The following CDH13 variants were observed in gnomAD, a reference collection of about 807,000 sequenced individuals.
CDH13 encodes the protein cadherin 13, also known as cadherin-13.
In CDH13, 24 loss-of-function variants were observed where a neutral mutation model predicts 63.8. The ratio of observed to expected loss-of-function variants is 0.38; its 90% CI spans 0.27 to 0.53. The LOEUF (loss-of-function observed/expected upper bound fraction) is 0.53, where lower values mean the gene tolerates loss of function less well. CDH13 is among the 20% of genes least tolerant of loss of function. The pLI is 0.85. For synonymous variants in CDH13, 503 were observed against 355.3 expected (o/e 1.42, Z -4.67); for missense variants, 1,049 against 903.1 (o/e 1.16, Z -2.07).
intron 3 of CDH13, chr16:83,032,423 G>C (rs1319483132): frequency 3.5e-6 from 2 of 564,290 alleles, no homozygotes; most frequent in Non-Finnish European, 6.3e-6. Flanking sequence ...GGCATAGTTC[G>C]TGGATTAATT....
chr16:83,738,187 C>G (rs1165326747), intron 10 of CDH13, among the ~76,000 whole-genome samples: 3 of 152,194 alleles, frequency 2.0e-5, no homozygotes, highest in Non-Finnish European at 4.4e-5. Context: ...TAATTTATAT[C>G]CTGTCTCCCT....
intron 1 of CDH13, among the ~76,000 whole-genome samples, chr16:82,635,428 C>T (rs551143548): frequency 3.9e-5 from 6 of 152,288 alleles, no homozygotes; most frequent in African/African-American, 1.4e-4. Flanking sequence ...AGGGGAAACA[C>T]CACACAGCCA....
chr16:82,974,763 A>G (rs932747941), intron 2 of CDH13, among the ~76,000 whole-genome samples: 34 of 152,226 alleles, frequency 2.2e-4, no homozygotes, highest in Admixed American at 1.1e-3. Flanking sequence ...AGTCAAGGAA[A>G]GTGGGCAGCA....
intron 7 of CDH13, among the ~76,000 whole-genome samples, chr16:83,497,621 C>T (rs2074176819): frequency 6.6e-6 from 1 of 152,022 alleles, no homozygotes; most frequent in South Asian, 2.1e-4. Flanking sequence ...TGTAACTAAC[C>T]TGCACAATGT....
At chr16:83,763,457 C>T (rs750114863) in intron 11 of CDH13, among the ~76,000 whole-genome samples, 5 of 152,036 alleles carry the variant, frequency 3.3e-5, no homozygotes, top group Non-Finnish European at 2.9e-5. Flanking sequence ...GACTACTGAA[C>T]TACTGAATTT....
chr16:83,356,383 A>T (rs1449816593), intron 6 of CDH13, among the ~76,000 whole-genome samples: 3 of 152,052 alleles, frequency 2.0e-5, no homozygotes, highest in South Asian at 2.1e-4. Context: ...ATAAAGCCAG[A>T]TTCTCCCCCT....
chr16:83,738,526 G>C (rs1160162376), intron 10 of CDH13, among the ~76,000 whole-genome samples: 1 of 152,198 alleles, frequency 6.6e-6, no homozygotes, highest in African/African-American at 2.4e-5. Context: ...AGTGGAGTTG[G>C]AGCCACCCCC....
At chr16:83,763,388 T>C (rs547992978) in intron 11 of CDH13, among the ~76,000 whole-genome samples, 3 of 151,928 alleles carry the variant, frequency 2.0e-5, no homozygotes, top group South Asian at 2.1e-4. Context: ...TGAAATATTG[T>C]TCAAAATATG....
At position 82,744,381 on chromosome 16, in the gene CDH13, TGCATCTATCTGTGGGTAGCAGTA is replaced by T. The variant is rs374032150; in HGVS notation, c.46-113978_46-113956del. On this transcript the variant is annotated intron_variant, in intron 1 of 13. Coordinates refer to ENST00000567109, the MANE Select transcript of CDH13 (RefSeq NM_001257.5). ...CCTTCAGAGATAATGAACCACAATA[TGCATCTATCTGTGGGTAGCAGTA>T]GCTTGAGTTTGGGATTGTTCCTCGG... Among the ~76,000 whole-genome samples the T allele has an allele frequency of 2.6e-3, 401 of 152,282 alleles. 1 individual carries two copies. Among genetic ancestry groups the T allele is most frequent in the African/African-American group, 9.1e-3 (378 of 41,552 alleles).
At chr16:83,227,223 T>C (rs1354246071) in intron 5 of CDH13, among the ~76,000 whole-genome samples, 1 of 152,128 alleles carries the variant, frequency 6.6e-6, no homozygotes, top group Non-Finnish European at 1.5e-5. Context: ...GATTACACAG[T>C]TGGAAAGAGA....
intron 5 of CDH13, among the ~76,000 whole-genome samples, chr16:83,242,615 G>A (rs1438969298): frequency 6.6e-6 from 1 of 152,198 alleles, no homozygotes; most frequent in Admixed American, 6.5e-5. Context: ...AAGGCTCATG[G>A]AGTTAGATCA....
chr16:82,749,463 A>G (rs940886149), intron 1 of CDH13, among the ~76,000 whole-genome samples: 4 of 152,202 alleles, frequency 2.6e-5, no homozygotes, highest in Non-Finnish European at 1.5e-5. Flanking sequence ...TTCCCTTCAC[A>G]TATCTCCAGG....
At chr16:83,455,697 A>G (rs376062077) in intron 6 of CDH13, among the ~76,000 whole-genome samples, 4 of 152,214 alleles carry the variant, frequency 2.6e-5, no homozygotes, top group South Asian at 2.1e-4. Flanking sequence ...CCTATATGTC[A>G]GTGGCATTGG....
chr16:82,649,829 A>G (rs1356479331), intron 1 of CDH13, among the ~76,000 whole-genome samples: 1 of 152,236 alleles, frequency 6.6e-6, no homozygotes. Flanking sequence ...AGCAAACCCC[A>G]TAACTGTCTC....
intron 1 of CDH13, among the ~76,000 whole-genome samples, chr16:82,717,303 G>A (rs2032440814): frequency 1.3e-5 from 2 of 152,076 alleles, no homozygotes; most frequent in South Asian, 4.2e-4. Context: ...AGGTGTGGTG[G>A]TTCGCAGCTG....
chr16:83,605,662 G>A (rs1439659812), intron 8 of CDH13, among the ~76,000 whole-genome samples: 1 of 152,304 alleles, frequency 6.6e-6, no homozygotes, highest in East Asian at 1.9e-4. Context: ...TGACACCGCT[G>A]ATGAGGATGG....
intron 1 of CDH13, among the ~76,000 whole-genome samples, chr16:82,783,919 G>C (rs2035884205): frequency 6.6e-6 from 1 of 151,944 alleles, no homozygotes; most frequent in Non-Finnish European, 1.5e-5. Context: ...ATTAGAAAAA[G>C]AAAAAAATAC....
chr16:82,978,170 T>C (rs1567713271), intron 2 of CDH13, among the ~76,000 whole-genome samples: 1 of 152,198 alleles, frequency 6.6e-6, no homozygotes, highest in Non-Finnish European at 1.5e-5. Flanking sequence ...TGGGTGCTGT[T>C]AAAAGTATTC....
chr16:83,339,538 A>C (rs879899351), intron 5 of CDH13, among the ~76,000 whole-genome samples: 1 of 152,124 alleles, frequency 6.6e-6, no homozygotes, highest in Non-Finnish European at 1.5e-5. Context: ...CAAAGTCACC[A>C]TGGTGGGCTC....
Sources: allele counts gnomAD v4.1 joint callset (sites outside exome capture counted in the v4.1 genomes callset), GRCh38; gene constraint gnomAD v4.1.1; transcripts MANE v1.5; gene names NCBI Gene and HGNC (gene_info 2026-07-23, HGNC 2026-07-21).